Variants in SPATA16 observed in about 807,000 individuals in gnomAD.
SPATA16 encodes the protein spermatogenesis-associated protein 16.
SPATA16 carries 36 observed loss-of-function variants against 63.3 expected under a neutral mutation model. That is an observed-to-expected ratio of 0.57 (90% CI 0.44 to 0.75). The LOEUF (loss-of-function observed/expected upper bound fraction) is 0.75, where lower values mean the gene tolerates loss of function less well. SPATA16 is among the 30% of genes least tolerant of loss of function. The pLI is 0.00. For synonymous variants in SPATA16, 203 were observed against 216.7 expected, an observed-to-expected ratio of 0.94 and a Z score of 0.56; for missense variants, 646 against 679.3, an observed-to-expected ratio of 0.95 and a Z score of 0.54.
rs913250465 is a variant in SPATA16 at position 172,984,539 on chromosome 3, G to A, written c.849-7487C>T. On this transcript the variant is annotated intron_variant, in intron 4 of 10. Transcript: ENST00000351008. ...TTGGTGGTCACTGAAGAAGTTTTTC[G>A]GTCTCTGGACTTTTGTAACAAGCCT... Among the ~76,000 whole-genome samples, 6 of 152,038 alleles carry A rather than the reference G, an allele frequency of 3.9e-5. No homozygotes were observed. The East Asian group carries it at 5.8e-4, about 15-fold the overall frequency.
At chr3:173,064,320 C>CAAAAAAAAAAAAAAAAA (rs59773490) in intron 2 of SPATA16, among the ~76,000 whole-genome samples, 1 of 57,672 alleles carries the variant, frequency 1.7e-5, no homozygotes, top group African/African-American at 7.0e-5. Context: ...ACACGCACAC[C>CAAAAAAAAAAAAAAAAA]AAAAAAAAAA....
At chr3:173,129,591 T>A (rs1251293189) in intron 1 of SPATA16, among the ~76,000 whole-genome samples, 1 of 151,362 alleles carries the variant, frequency 6.6e-6, no homozygotes, top group Non-Finnish European at 1.5e-5. Flanking sequence ...TATACTTATA[T>A]ATAATATTTA....
chr3:172,890,809 C>G (rs1731879448), intron 10 of SPATA16, among the ~76,000 whole-genome samples: 1 of 150,734 alleles, frequency 6.6e-6, no homozygotes, highest in Admixed American at 6.6e-5. Context: ...TTTTTGAAAC[C>G]CTTGTAAAAA....
intron 10 of SPATA16, among the ~76,000 whole-genome samples, chr3:172,905,114 G>A (rs2109551263): frequency 6.6e-6 from 1 of 152,134 alleles, no homozygotes; most frequent in East Asian, 1.9e-4. Flanking sequence ...ACTACGCCTT[G>A]GACAGAACTG....
chr3:172,898,076 A>G (rs1175427483), intron 10 of SPATA16, among the ~76,000 whole-genome samples: 1 of 152,042 alleles, frequency 6.6e-6, no homozygotes, highest in African/African-American at 2.4e-5. Flanking sequence ...AAATATTCAA[A>G]CATTCTTGCA....
At chr3:172,979,901 T>G (rs1734258613) in intron 4 of SPATA16, among the ~76,000 whole-genome samples, 1 of 152,222 alleles carries the variant, frequency 6.6e-6, no homozygotes, top group Non-Finnish European at 1.5e-5. Flanking sequence ...TTAGCTGAGA[T>G]ATATTTCATA....
At chr3:172,948,463 T>A (rs1409126151) in intron 6 of SPATA16, among the ~76,000 whole-genome samples, 1 of 152,160 alleles carries the variant, frequency 6.6e-6, no homozygotes, top group Non-Finnish European at 1.5e-5. Flanking sequence ...TCTTTTTTTC[T>A]TTTAATTTTC....
At chr3:172,943,527 G>T (rs542576071) in intron 6 of SPATA16, among the ~76,000 whole-genome samples, 4 of 152,178 alleles carry the variant, frequency 2.6e-5, no homozygotes, top group Non-Finnish European at 5.9e-5. Context: ...ATCACTTGAG[G>T]TCAGGAGTTT....
At chr3:173,028,970 A>G (rs1735534382) in intron 3 of SPATA16, among the ~76,000 whole-genome samples, 1 of 152,064 alleles carries the variant, frequency 6.6e-6, no homozygotes. Flanking sequence ...ATATATTCAA[A>G]TACAATGCCC....
At chr3:173,117,019 G>T in intron 2 of SPATA16, 101 bp downstream of exon 2, 2 of 1,185,702 alleles carry the variant, frequency 1.7e-6, no homozygotes, top group Non-Finnish European at 2.5e-6. Context: ...CTCACCTCAT[G>T]ATCACTGCTT....
chr3:173,029,722 G>A (rs1366692527), intron 3 of SPATA16, among the ~76,000 whole-genome samples: 1 of 152,010 alleles, frequency 6.6e-6, no homozygotes, highest in Non-Finnish European at 1.5e-5. Flanking sequence ...CAGCGCCTTG[G>A]TCACAAGATA....
intron 2 of SPATA16, among the ~76,000 whole-genome samples, chr3:173,060,162 C>T (rs1209448226): frequency 6.6e-6 from 1 of 151,998 alleles, no homozygotes; most frequent in African/African-American, 2.4e-5. Flanking sequence ...GAGGCTGAGG[C>T]AGGAGAATTG....
At chr3:173,045,934 C>A (rs979306311) in intron 3 of SPATA16, among the ~76,000 whole-genome samples, 3 of 151,882 alleles carry the variant, frequency 2.0e-5, no homozygotes, top group African/African-American at 7.3e-5. Flanking sequence ...AGGGATTTTT[C>A]TTACATATTT....
At chr3:172,942,472 G>A (rs1229698073) in intron 6 of SPATA16, among the ~76,000 whole-genome samples, 2 of 152,052 alleles carry the variant, frequency 1.3e-5, no homozygotes, top group African/African-American at 4.8e-5. Flanking sequence ...TTAAGGTGAA[G>A]AGTGTAATTA....
intron 10 of SPATA16, among the ~76,000 whole-genome samples, chr3:172,891,445 G>A (rs867890552): frequency 1.3e-5 from 2 of 152,200 alleles, no homozygotes; most frequent in South Asian, 4.1e-4. Context: ...CATACTATGT[G>A]CGTGCTGTAT....
intron 5 of SPATA16, among the ~76,000 whole-genome samples, chr3:172,961,508 G>A (rs935042235): frequency 2.0e-5 from 3 of 151,970 alleles, no homozygotes; most frequent in Non-Finnish European, 4.4e-5. Context: ...TATTCTCCCA[G>A]TGCAGCCTCC....
intron 1 of SPATA16, among the ~76,000 whole-genome samples, chr3:173,139,197 G>A (rs1738632120): frequency 6.6e-6 from 1 of 152,086 alleles, no homozygotes. Flanking sequence ...CATCATTTTT[G>A]TTATTGCTGT....
intron 2 of SPATA16, among the ~76,000 whole-genome samples, chr3:173,058,674 A>G (rs1736307430): frequency 6.6e-6 from 1 of 152,094 alleles, no homozygotes; most frequent in Non-Finnish European, 1.5e-5. Context: ...TTTATCGGCC[A>G]TGGGTATGGG....
intron 2 of SPATA16, among the ~76,000 whole-genome samples, chr3:173,063,620 G>T (rs1156675689): frequency 6.6e-6 from 1 of 152,102 alleles, no homozygotes; most frequent in East Asian, 1.9e-4. Flanking sequence ...AATATTTTTA[G>T]GACATTGGAT....
Sources: allele counts gnomAD v4.1 joint callset (sites outside exome capture counted in the v4.1 genomes callset), GRCh38; gene constraint gnomAD v4.1.1; transcripts MANE v1.5; gene names NCBI Gene and HGNC (gene_info 2026-07-23, HGNC 2026-07-21).